Variants in ZNF543 observed in about 807,000 individuals in gnomAD.
ZNF543 encodes zinc finger protein 543.
ZNF543 carries 10 observed loss-of-function variants against 13.4 expected under a neutral mutation model. The ratio of observed to expected loss-of-function variants is 0.75; its 90% CI spans 0.46 to 1.26. The LOEUF (loss-of-function observed/expected upper bound fraction) is 1.26, where lower values mean the gene tolerates loss of function less well. Among genes scored for constraint, ZNF543 ranks in the 50% most tolerant of loss-of-function variants. The pLI, the probability that ZNF543 is intolerant of heterozygous loss-of-function variation, is 0.00. For synonymous variants in ZNF543, 272 were observed against 264.7 expected, an observed-to-expected ratio of 1.03 and a Z score of -0.27; for missense variants, 768 against 741.2, an observed-to-expected ratio of 1.04 and a Z score of -0.42.
At chr19:57,323,861 G>C (rs201205866) in intron 2 of ZNF543, 53 bp downstream of exon 2, 122 of 1,584,340 alleles carry the variant, frequency 7.7e-5, no homozygotes, top group Non-Finnish European at 1.1e-4. Context: ...TCCTACTCAT[G>C]TTCCCCTCTC....
chr19:57,327,804 G>T lies in ZNF543; in HGVS notation c.342G>T (p.Lys114Asn), dbSNP rs977840416. 1 of 1,614,112 alleles carries T rather than the reference G, an allele frequency of 6.2e-7. No homozygotes were observed. The highest frequency in any genetic ancestry group is 1.7e-5 in the Admixed American group (1 of 60,020). Residue 114 changes from lysine (K) to asparagine (N), a missense_variant, in exon 4 of 4, where the codon AAG becomes AAT. Physicochemically the swap from Lys to Asn is moderately conservative, Grantham distance 94. Around this residue, in one of 3 missense-constraint regions of ZNF543, gnomAD observed 677 missense variants for 631.4 expected, o/e 1.07. Coordinates refer to ENST00000321545, the MANE Select transcript of ZNF543 (RefSeq NM_213598.4). ...AACAACTGACACAAGGAGCCTCAAAGAACTCCCAATTAGGGCAATCCAAGG... is the reference window on the plus strand; with the variant it reads ...AACAACTGACACAAGGAGCCTCAAATAACTCCCAATTAGGGCAATCCAAGG... ...LQEQLTQGAS[K>N]NSQLGQSKDQ...
At chr19:57,326,765 A>G (rs1329055770) in intron 3 of ZNF543, 37 bp downstream of exon 3, 2 of 1,547,526 alleles carry the variant, frequency 1.3e-6, no homozygotes, top group South Asian at 1.1e-5. Context: ...GGGTCATGGC[A>G]GCTTACACAT....
chr19:57,326,732 G>A lies in ZNF543; in HGVS notation c.241+4G>A. The A allele has an allele frequency of 6.2e-7, 1 of 1,612,492 alleles. No homozygotes were observed. The highest frequency in any genetic ancestry group is 1.8e-4 in the Middle Eastern group (1 of 5,598). On this transcript the variant is annotated splice_donor_region_variant and intron_variant, in intron 3 of 3. Coordinates refer to ENST00000321545, the MANE Select transcript of ZNF543 (RefSeq NM_213598.4). ...CTCTCCCAAAGCTCCTATCCAGGTA[G>A]GAGCCAACAGCTGGGAAGGTGGGGG...
Position 57,328,644 on chromosome 19 carries a change from CTATAA to C in ZNF543, c.1183_1187del (p.Tyr395ValfsTer11). On this transcript the variant is annotated frameshift_variant, in exon 4 of 4. Transcript: ENST00000321545. LOFTEE classifies it low-confidence loss of function (END_TRUNC). The stretch of plus-strand genomic sequence containing the variant: ...ACATTATCCACACTGGGGAGAAGCC[CTATAA>C]GTGCATGGAGTGTGGGAAGGCGTTC... 1 of 1,613,816 alleles carries C rather than the reference CTATAA, an allele frequency of 6.2e-7. No individual in the cohort carries two copies. The highest frequency in any genetic ancestry group is 8.5e-7 in the Non-Finnish European group (1 of 1,179,942).
rs1186235967 is a variant in ZNF543, at chr19:57,330,240, T to C, written c.*975T>C. 6.6e-6 allele frequency: 1 copy of C among 151,034 alleles called. No homozygotes were observed. Among genetic ancestry groups the C allele is most frequent in the Non-Finnish European group, 1.5e-5 (1 of 67,934 alleles). The allele number at this position is 151,034 out of a possible 1,614,324, so 9.4% of individuals were successfully genotyped here. On this transcript the variant is annotated 3_prime_UTR_variant, in exon 4 of 4. Transcript: ENST00000321545. Reference sequence around the variant, plus strand: ...ACCATGTGTCTTTACCCAATACACATACTTTTTCTTGATGTGGATTTACTT... The same window carrying C: ...ACCATGTGTCTTTACCCAATACACACACTTTTTCTTGATGTGGATTTACTT...
chr19:57,325,007 A>T (rs967699770), intron 2 of ZNF543, among the ~76,000 whole-genome samples: 4 of 152,208 alleles, frequency 2.6e-5, no homozygotes, highest in African/African-American at 9.7e-5. Flanking sequence ...TTGACATACT[A>T]TTAGGAGTAA....
rs755507459 is a variant in ZNF543, at chr19:57,329,105, C to T, written c.1643C>T (p.Ser548Leu). The T allele has an allele frequency of 1.7e-5, 28 of 1,614,104 alleles. No homozygotes were observed. Among genetic ancestry groups the T allele is most frequent in the African/African-American group, 5.3e-5 (4 of 74,928 alleles). The change falls in exon 4 of 4, where the codon TCA (serine) becomes TTA (leucine). Residue 548 changes from serine (S) to leucine (L), a missense_variant. By Grantham distance (145) the Ser-to-Leu change is moderately radical. This residue lies in a region of ZNF543 where 677 missense variants were observed against 631.4 expected (regional missense o/e 1.07). Transcript: ENST00000321545. ...SECGKAFNRG[S>L]SLTHHQRIHT... ...TGTGGAAAGGCTTTTAATCGCGGCT[C>T]ATCCCTCACACATCATCAAAGGATT...
chr19:57,330,754 CAT>C lies in ZNF543; in HGVS notation c.*1490_*1491del, dbSNP rs904094922. 1.3e-5 allele frequency: 2 copies of C among 152,008 alleles called. No homozygotes were observed. The highest frequency in any genetic ancestry group is 4.8e-5 in the African/African-American group (2 of 41,392). The allele number at this position is 152,008 out of a possible 1,614,324, so 9.4% of individuals were successfully genotyped here. A position where few individuals can be genotyped will look rare whatever the true frequency, so the allele number is the denominator to read the frequency against. On this transcript the variant is annotated 3_prime_UTR_variant, in exon 4 of 4. Coordinates refer to ENST00000321545, the MANE Select transcript of ZNF543 (RefSeq NM_213598.4). The stretch of plus-strand genomic sequence containing the variant: ...TATATTGTACAGAAGTAAAAATAAT[CAT>C]GTATTCACTTTGAACTCCTCAAAGC...
intron 2 of ZNF543, 89 bp from the exon 3 acceptor site, chr19:57,326,530 GCTTCACTTCATGGT>G: frequency 1.2e-6 from 1 of 826,380 alleles, no homozygotes. Flanking sequence ...GCTGAGAATA[GCTTCACTTCATGGT>G]CTTCCCCATC....
At position 57,328,577 on chromosome 19, in the gene ZNF543, G is replaced by T. The variant is rs372044169; in HGVS notation, c.1115G>T (p.Cys372Phe). ...GTGAAACCCTTTGAATGCAACGAGT[G>T]TGGAAAAGCTTTTTGCGAGAGTGCA... ...TGVKPFECNE[C>F]GKAFCESADL... Residue 372 changes from cysteine (C) to phenylalanine (F), a missense_variant, in exon 4 of 4, where the codon TGT becomes TTT. Cys to Phe is a radical substitution (Grantham distance 205). This residue lies in a region of ZNF543 where 677 missense variants were observed against 631.4 expected (regional missense o/e 1.07). Coordinates refer to ENST00000321545, the MANE Select transcript of ZNF543 (RefSeq NM_213598.4). 1.1e-5 allele frequency: 17 copies of T among 1,613,350 alleles called. No homozygotes were observed. The highest frequency in any genetic ancestry group is 1.4e-5 in the Non-Finnish European group (16 of 1,179,900).
chr19:57,328,081 G>A lies in ZNF543; in HGVS notation c.619G>A (p.Val207Met). The A allele has an allele frequency of 1.9e-6, 3 of 1,614,240 alleles. No homozygotes were observed. Among genetic ancestry groups the A allele is most frequent in the East Asian group, 2.2e-5 (1 of 44,892 alleles). ...CTATAAATGTGAGGAATGCGGGAAAGTGTTTAAAAAGAATGCCCTCCTTGT... is the reference window on the plus strand; with the variant it reads ...CTATAAATGTGAGGAATGCGGGAAAATGTTTAAAAAGAATGCCCTCCTTGT... ...NSYKCEECGK[V>M]FKKNALLVQH... is the part of the protein sequence containing the mutation. The change falls in exon 4 of 4, where the codon GTG (valine) becomes ATG (methionine). Residue 207 changes from valine (V) to methionine (M), a missense_variant. By Grantham distance (21) the Val-to-Met change is conservative (BLOSUM62 1). Transcript: ENST00000321545.
rs2088123214 is a variant in ZNF543, at chr19:57,326,730, TA to T, written c.241+3del. The stretch of plus-strand genomic sequence containing the variant: ...ACCTCTCCCAAAGCTCCTATCCAGG[TA>T]GGAGCCAACAGCTGGGAAGGTGGGG... On this transcript the variant is annotated splice_donor_region_variant and intron_variant, in intron 3 of 3. Coordinates refer to ENST00000321545, the MANE Select transcript of ZNF543 (RefSeq NM_213598.4). The T allele has an allele frequency of 6.2e-7, 1 of 1,612,888 alleles. No individual in the cohort carries two copies.
Position 57,329,466 on chromosome 19 carries a change from C to G in ZNF543, c.*201C>G. ...GTTGCTATGCACTTAGGAAAACTTT[C>G]AGCCACATCTTTCTTCTTAGTTTAC... On this transcript the variant is annotated 3_prime_UTR_variant, in exon 4 of 4. Coordinates refer to ENST00000321545, the MANE Select transcript of ZNF543 (RefSeq NM_213598.4). 1 of 566,896 alleles carries G rather than the reference C, an allele frequency of 1.8e-6. No homozygotes were observed. The highest frequency in any genetic ancestry group is 2.9e-6 in the Non-Finnish European group (1 of 342,128). The allele number at this position is 566,896 out of a possible 1,614,324, so 35.1% of individuals were successfully genotyped here.
At position 57,329,402 on chromosome 19, in the gene ZNF543, T is replaced by C. The variant is rs1048646218; in HGVS notation, c.*137T>C. 8.1e-7 allele frequency: 1 copy of C among 1,235,040 alleles called. No homozygotes were observed. Among genetic ancestry groups the C allele is most frequent in the Non-Finnish European group, 1.1e-6 (1 of 901,210 alleles). The allele number at this position is 1,235,040 out of a possible 1,614,324, so 76.5% of individuals were successfully genotyped here. A position where few individuals can be genotyped will look rare whatever the true frequency, so the allele number is the denominator to read the frequency against. On this transcript the variant is annotated 3_prime_UTR_variant, in exon 4 of 4. Transcript: ENST00000321545. ...GAAATTGAACCAGCCTGGAGTCTTATTCTCCACCTGAGAATTCACCCATGA... is the reference window on the plus strand; with the variant it reads ...GAAATTGAACCAGCCTGGAGTCTTACTCTCCACCTGAGAATTCACCCATGA...
At chr19:57,324,778 A>G (rs144033491) in intron 2 of ZNF543, among the ~76,000 whole-genome samples, 3 of 150,840 alleles carry the variant, frequency 2.0e-5, no homozygotes, top group African/African-American at 4.9e-5. Flanking sequence ...TGCAGGGACC[A>G]TAGGAGTAGC....
chr19:57,320,931 A>T, intron 1 of ZNF543, 60 bp downstream of exon 1: 1 of 1,608,978 alleles, frequency 6.2e-7, no homozygotes, highest in Non-Finnish European at 8.5e-7. Flanking sequence ...CCTCGTGGGC[A>T]GGCAGAAGCC....
At chr19:57,323,333 A>T (rs1222996129) in intron 1 of ZNF543, among the ~76,000 whole-genome samples, 1 of 151,876 alleles carries the variant, frequency 6.6e-6, no homozygotes, top group Non-Finnish European at 1.5e-5. Flanking sequence ...CTGGGAATAC[A>T]GGCGCCCGCC....
chr19:57,327,789 A>G lies in ZNF543; in HGVS notation c.327A>G (p.Thr109=), dbSNP rs369197267. The change falls in exon 4 of 4, where the codon ACA becomes ACG. Residue 109 remains threonine, a synonymous_variant. Transcript: ENST00000321545. ...PEEVLLQEQL[T]QGASKNSQLG... is the part of the protein sequence containing the mutation. ...AAGTCTTACTCCAGGAACAACTGACACAAGGAGCCTCAAAGAACTCCCAAT... is the reference window on the plus strand; with the variant it reads ...AAGTCTTACTCCAGGAACAACTGACGCAAGGAGCCTCAAAGAACTCCCAAT... The G allele has an allele frequency of 4.3e-6, 7 of 1,613,994 alleles. No homozygotes were observed. The highest frequency in any genetic ancestry group is 5.9e-6 in the Non-Finnish European group (7 of 1,180,018).
In ZNF543 at chr19:57,329,341, A is replaced by G. The variant is rs1291650612; in HGVS notation, c.*76A>G. On this transcript the variant is annotated 3_prime_UTR_variant, in exon 4 of 4. Coordinates refer to ENST00000321545, the MANE Select transcript of ZNF543 (RefSeq NM_213598.4). ...GCATCCTCTCTTTGAGAAAACGTGT[A>G]ATAGATGATCATTTGTCGTCTAAAC... 1 of 1,502,414 alleles carries G rather than the reference A, an allele frequency of 6.7e-7. No individual in the cohort carries two copies. The highest frequency in any genetic ancestry group is 8.8e-7 in the Non-Finnish European group (1 of 1,129,996). 93.1% of individuals were successfully genotyped at this position (1,502,414 alleles called of 1,614,324 possible).
Sources: allele counts gnomAD v4.1 joint callset (sites outside exome capture counted in the v4.1 genomes callset), GRCh38; gene constraint gnomAD v4.1.1; regional missense constraint gnomAD v4.1.1; transcripts MANE v1.5; gene names NCBI Gene and HGNC (gene_info 2026-07-23, HGNC 2026-07-21).